The following SLC6A11 variants were observed in gnomAD, a reference collection of about 807,000 sequenced individuals.
SLC6A11 encodes solute carrier family 6 member 11.
In SLC6A11, 25 loss-of-function variants were observed where a neutral mutation model predicts 74.8. That is an observed-to-expected ratio of 0.33 (90% CI 0.24 to 0.47). The LOEUF (loss-of-function observed/expected upper bound fraction) is 0.47, where lower values mean the gene tolerates loss of function less well. SLC6A11 is among the 20% of genes least tolerant of loss of function. SLC6A11 has a pLI of 1.00. For missense variants in SLC6A11, 574 were observed against 837.0 expected, an observed-to-expected ratio of 0.69 and a Z score of 3.88; for synonymous variants, 330 against 330.2, an observed-to-expected ratio of 1.00 and a Z score of 0.01.
intron 5 of SLC6A11, among the ~76,000 whole-genome samples, chr3:10,853,602 ACT>A (rs769216710): frequency 2.0e-5 from 3 of 151,922 alleles, no homozygotes; most frequent in South Asian, 2.1e-4. Context: ...GCAGGCTGGG[ACT>A]CTCTACACAG....
At chr3:10,842,920 A>G (rs1350768890) in intron 4 of SLC6A11, among the ~76,000 whole-genome samples, 1 of 152,126 alleles carries the variant, frequency 6.6e-6, no homozygotes, top group Non-Finnish European at 1.5e-5. Context: ...TAATTAATGC[A>G]GAATCAGGCC....
intron 10 of SLC6A11, among the ~76,000 whole-genome samples, chr3:10,932,371 A>G (rs1231103736): frequency 1.3e-5 from 2 of 151,358 alleles, no homozygotes. Context: ...AGCCAGTTGG[A>G]CTCCCTACCC....
intron 13 of SLC6A11, among the ~76,000 whole-genome samples, chr3:10,935,635 G>A (rs763614711): frequency 5.9e-5 from 9 of 152,204 alleles, no homozygotes; most frequent in African/African-American, 1.7e-4. Context: ...CAAACTGGGC[G>A]ATAGGCATCA....
At chr3:10,880,433 C>G (rs1694961572) in intron 6 of SLC6A11, among the ~76,000 whole-genome samples, 1 of 152,146 alleles carries the variant, frequency 6.6e-6, no homozygotes, top group Admixed American at 6.5e-5. Context: ...TTGGGATAAT[C>G]CAGCAGTTGC....
chr3:10,899,146 A>G (rs1408917956), intron 6 of SLC6A11, among the ~76,000 whole-genome samples: 1 of 152,192 alleles, frequency 6.6e-6, no homozygotes, highest in Non-Finnish European at 1.5e-5. Context: ...TGGGAGTACA[A>G]TTCAAGATGA....
chr3:10,932,501 A>T (rs1695702498), intron 10 of SLC6A11, among the ~76,000 whole-genome samples: 1 of 152,202 alleles, frequency 6.6e-6, no homozygotes, highest in Non-Finnish European at 1.5e-5. Flanking sequence ...GCCCAAAGAA[A>T]GAATGAGACC....
rs73814464 is a variant in SLC6A11, at chr3:10,859,594, G to A, written c.756+15248G>A. On this transcript the variant is annotated intron_variant, in intron 5 of 13. Coordinates refer to ENST00000254488, the MANE Select transcript of SLC6A11 (RefSeq NM_014229.3). Reference sequence around the variant, plus strand: ...GTTAGGATTTCTTTTCCTGGAGCCTGTGGATGTTTCAAGGTATCCATGAGC... The same window carrying A: ...GTTAGGATTTCTTTTCCTGGAGCCTATGGATGTTTCAAGGTATCCATGAGC... Among the ~76,000 whole-genome samples the A allele has an allele frequency of 6.5e-3, 996 of 152,266 alleles. 11 individuals carry two copies. Among genetic ancestry groups the A allele is most frequent in the African/African-American group, 0.023 (955 of 41,554 alleles).
At chr3:10,857,388 G>A (rs1694651408) in intron 5 of SLC6A11, among the ~76,000 whole-genome samples, 1 of 152,140 alleles carries the variant, frequency 6.6e-6, no homozygotes, top group African/African-American at 2.4e-5. Flanking sequence ...ATGGGCAGTG[G>A]GGAGCCATTG....
intron 4 of SLC6A11, 116 bp from the exon 5 acceptor site, chr3:10,844,098 C>A: frequency 7.8e-7 from 1 of 1,281,104 alleles, no homozygotes; most frequent in Non-Finnish European, 1.1e-6. Flanking sequence ...GACATTTGGC[C>A]CACGGTGGAC....
intron 6 of SLC6A11, among the ~76,000 whole-genome samples, chr3:10,884,829 G>A (rs112200170): frequency 1.5e-3 from 223 of 152,290 alleles, no homozygotes; most frequent in African/African-American, 5.1e-3. Flanking sequence ...CCTCTACTTT[G>A]GGACAACGTT....
intron 5 of SLC6A11, among the ~76,000 whole-genome samples, chr3:10,855,958 A>AT (rs1302963100): frequency 1.3e-5 from 2 of 152,092 alleles, no homozygotes; most frequent in South Asian, 2.1e-4. Flanking sequence ...TAGAGCATGT[A>AT]TTTTTTTATT....
At chr3:10,877,676 C>T (rs1458750965) in intron 6 of SLC6A11, among the ~76,000 whole-genome samples, 1 of 152,174 alleles carries the variant, frequency 6.6e-6, no homozygotes, top group Non-Finnish European at 1.5e-5. Context: ...ATTCAGTGTT[C>T]CAGGCATACA....
intron 13 of SLC6A11, among the ~76,000 whole-genome samples, chr3:10,936,831 A>C (rs1203847806): frequency 6.6e-6 from 1 of 152,192 alleles, no homozygotes; most frequent in Admixed American, 6.5e-5. Flanking sequence ...TCCAGAGATC[A>C]TCTCCGGCCT....
intron 5 of SLC6A11, among the ~76,000 whole-genome samples, chr3:10,846,775 C>T (rs1167333426): frequency 6.6e-6 from 1 of 152,106 alleles, no homozygotes; most frequent in African/African-American, 2.4e-5. Flanking sequence ...TCTGGGGAGC[C>T]GCTGCCTCTA....
intron 13 of SLC6A11, among the ~76,000 whole-genome samples, 155 bp from the exon 14 acceptor site, chr3:10,938,095 A>G (rs1397249688): frequency 1.3e-5 from 2 of 152,162 alleles, no homozygotes. Context: ...TTCATCATCC[A>G]GGACAGAGCT....
At chr3:10,836,055 A>AT (rs903202885) in intron 4 of SLC6A11, among the ~76,000 whole-genome samples, 29 of 152,114 alleles carry the variant, frequency 1.9e-4, no homozygotes, top group Non-Finnish European at 2.5e-4. Context: ...ACACTCAGCT[A>AT]TTTTTTTTAT....
chr3:10,911,950 G>A, intron 6 of SLC6A11, 140 bp from the exon 7 acceptor site: 1 of 679,250 alleles, frequency 1.5e-6, no homozygotes, highest in Admixed American at 2.2e-5. Flanking sequence ...GGGGGTCCTG[G>A]GTAGGTTAGG....
intron 7 of SLC6A11, among the ~76,000 whole-genome samples, chr3:10,916,543 G>A (rs1881354): frequency 0.43 from 64,853 of 151,938 alleles, 14,240 homozygotes; most frequent in East Asian, 0.63. Flanking sequence ...GGCCGAAGGG[G>A]TAGCAGCTCC....
At chr3:10,826,878 A>G (rs1248129717) in intron 4 of SLC6A11, among the ~76,000 whole-genome samples, 3 of 152,244 alleles carry the variant, frequency 2.0e-5, no homozygotes, top group Non-Finnish European at 4.4e-5. Flanking sequence ...GTTTGTGTGC[A>G]TCCTCATCGG....
Sources: gnomAD v4.1 joint callset for allele counts (sites outside exome capture counted in the v4.1 genomes callset) on GRCh38, gnomAD v4.1.1 for gene constraint, MANE v1.5 for transcripts, NCBI Gene and HGNC (gene_info 2026-07-23, HGNC 2026-07-21) for gene names.